The following FAM228B variants were observed in gnomAD, a reference collection of about 807,000 sequenced individuals.
FAM228B encodes the protein protein FAM228B.
Under a neutral mutation model 42.6 loss-of-function variants are expected in FAM228B, and 38 were observed. That is an observed-to-expected ratio of 0.89 (90% CI 0.69 to 1.17). The LOEUF is 1.17. Among genes scored for constraint, FAM228B ranks in the 50% most tolerant of loss-of-function variants. FAM228B has a pLI of 0.00. For missense variants in FAM228B, 344 were observed against 367.3 expected (o/e 0.94, Z 0.52); for synonymous variants, 109 against 122.3 (o/e 0.89, Z 0.72).
chr2:24,114,347 G>A (rs1665850626), intron 3 of FAM228B, among the ~76,000 whole-genome samples: 1 of 152,164 alleles, frequency 6.6e-6, no homozygotes, highest in South Asian at 2.1e-4. Flanking sequence ...TGGCCATGCA[G>A]TTGGTGTGTC....
intron 8 of FAM228B, among the ~76,000 whole-genome samples, chr2:24,162,115 A>T (rs569976639): frequency 6.6e-6 from 1 of 152,198 alleles, no homozygotes; most frequent in African/African-American, 2.4e-5. Context: ...AAACAAACAA[A>T]AAAACCAAAC....
intron 2 of FAM228B, among the ~76,000 whole-genome samples, chr2:24,130,603 G>A (rs1666432131): frequency 6.6e-6 from 1 of 152,096 alleles, no homozygotes; most frequent in Non-Finnish European, 1.5e-5. Flanking sequence ...CCATGTAAAT[G>A]TCTTCTTTTG....
intron 2 of FAM228B, among the ~76,000 whole-genome samples, chr2:24,091,702 A>G (rs995446775): frequency 6.6e-6 from 1 of 151,212 alleles, no homozygotes; most frequent in East Asian, 2.0e-4. Flanking sequence ...TACAAAAATT[A>G]TATAATGAAG....
In FAM228B at chr2:24,137,909, G is replaced by C; in HGVS notation, c.169G>C (p.Glu57Gln). 6.6e-7 allele frequency: 1 copy of C among 1,515,006 alleles called. No individual in the cohort carries two copies. The highest frequency in any genetic ancestry group is 8.8e-7 in the Non-Finnish European group (1 of 1,135,452). The allele number at this position is 1,515,006 out of a possible 1,614,324, so 93.8% of individuals were successfully genotyped here. The change falls in exon 4 of 11, where the codon GAA (glutamate) becomes CAA (glutamine). Residue 57 changes from glutamate (E) to glutamine (Q), a missense_variant and splice_region_variant. Coordinates refer to ENST00000615575, the MANE Select transcript of FAM228B (RefSeq NM_001145710.2). ...ILYKENSVIKELDKYLQHHAF... is the reference protein window; with the variant it reads ...ILYKENSVIKQLDKYLQHHAF... Reference sequence around the variant, plus strand: ...TGTCTTTTCTACCACTGTTTACTAGGAACTAGATAAGTATTTACAACATCA... The same window carrying C: ...TGTCTTTTCTACCACTGTTTACTAGCAACTAGATAAGTATTTACAACATCA...
intron 7 of FAM228B, among the ~76,000 whole-genome samples, chr2:24,155,577 G>A (rs1318651736): frequency 8.8e-6 from 1 of 114,016 alleles, no homozygotes; most frequent in Non-Finnish European, 1.7e-5. Context: ...TTTCGCGCCT[G>A]TTGCTCAGGT....
At chr2:24,079,316 A>C in intron 1 of FAM228B, 1 of 981,758 alleles carries the variant, frequency 1.0e-6, no homozygotes, top group Non-Finnish European at 1.5e-6. Flanking sequence ...CTTTATCTTC[A>C]GAGGGGGAGG....
chr2:24,148,710 C>T (rs1666952885), intron 7 of FAM228B, among the ~76,000 whole-genome samples: 1 of 152,098 alleles, frequency 6.6e-6, no homozygotes, highest in African/African-American at 2.4e-5. Context: ...ATGATTTATT[C>T]TTCATGTTAC....
chr2:24,166,923 A>C (rs1667430597), intron 9 of FAM228B, among the ~76,000 whole-genome samples: 2 of 152,074 alleles, frequency 1.3e-5, no homozygotes, highest in African/African-American at 4.8e-5. Flanking sequence ...AGCAAGAAAA[A>C]GTGGGGAGGC....
intron 7 of FAM228B, among the ~76,000 whole-genome samples, chr2:24,160,638 T>C (rs569344047): frequency 6.6e-6 from 1 of 152,244 alleles, no homozygotes; most frequent in Admixed American, 6.5e-5. Flanking sequence ...TAGGCTCTTA[T>C]TGCTTTCTTA....
chr2:24,089,241 TC>T (rs1169218879), intron 2 of FAM228B, among the ~76,000 whole-genome samples: 8 of 152,112 alleles, frequency 5.3e-5, no homozygotes, highest in African/African-American at 1.7e-4. Flanking sequence ...CCCAGCTTGT[TC>T]TTTATAAAAA....
intron 10 of FAM228B, chr2:24,168,099 CTTTGT>C: frequency 5.1e-6 from 1 of 195,462 alleles, no homozygotes; most frequent in African/African-American, 2.3e-5. Context: ...ATTTCAGTAT[CTTTGT>C]AGATGCTCAT....
At chr2:24,164,561 G>A (rs367667283) in intron 9 of FAM228B, among the ~76,000 whole-genome samples, 31 of 8,580 alleles carry the variant, frequency 3.6e-3, no homozygotes, top group African/African-American at 4.1e-3. Flanking sequence ...CCCCCTGGTG[G>A]AGCCACACGA....
chr2:24,094,835 G>A (rs1016994017), intron 2 of FAM228B, among the ~76,000 whole-genome samples: 1 of 152,178 alleles, frequency 6.6e-6, no homozygotes, highest in African/African-American at 2.4e-5. Flanking sequence ...ACTCACACCT[G>A]TAATCCTGGC....
chr2:24,123,730 C>T (rs1486319385), intron 1 of FAM228B, among the ~76,000 whole-genome samples, 197 bp downstream of exon 1: 4 of 151,552 alleles, frequency 2.6e-5, no homozygotes, highest in Non-Finnish European at 4.4e-5. Flanking sequence ...GCGCACGACG[C>T]GCCTGCGCGG....
chr2:24,088,643 GC>G (rs1665316072), intron 2 of FAM228B, among the ~76,000 whole-genome samples: 1 of 152,172 alleles, frequency 6.6e-6, no homozygotes, highest in Non-Finnish European at 1.5e-5. Context: ...GAGCCACCGC[GC>G]CCGGCCTATA....
At chr2:24,096,790 A>G (rs529803692) in intron 3 of FAM228B, 2 of 152,322 alleles carry the variant, frequency 1.3e-5, no homozygotes, top group East Asian at 1.9e-4. Flanking sequence ...AGAACACCAC[A>G]AAGATACTCC....
intron 2 of FAM228B, among the ~76,000 whole-genome samples, chr2:24,088,621 G>A (rs1051224266): frequency 7.9e-5 from 12 of 152,196 alleles, no homozygotes; most frequent in African/African-American, 2.4e-5. Context: ...AAAGTGTTGC[G>A]ATTACAGGCG....
Position 24,077,842 on chromosome 2 carries a change from T to C in FAM228B, c.-290+873T>C. 2 of 1,478,026 alleles carry C rather than the reference T, an allele frequency of 1.4e-6. No homozygotes were observed. The highest frequency in any genetic ancestry group is 4.3e-5 in the Admixed American group (2 of 47,038). The allele number at this position is 1,478,026 out of a possible 1,614,324, so 91.6% of individuals were successfully genotyped here. The stretch of plus-strand genomic sequence containing the variant: ...CTCATCCTCCTCAGCCTTCTTGCTC[T>C]CTCTGAAGCCACGTATCTGAAAAAG... On this transcript the variant is annotated intron_variant, in intron 1 of 10. Coordinates refer to the FAM228B transcript ENST00000613899. This position sits in a 1 kb window ranked among gnomAD's most constrained non-coding sequence, Gnocchi z 5.5.
chr2:24,121,405 T>G (rs1324833234), upstream of FAM228B: 1 of 1,106,358 alleles, frequency 9.0e-7, no homozygotes, highest in Non-Finnish European at 1.3e-6. Context: ...TAAGAATGGT[T>G]TTCATGTTTT....
Sources: allele counts gnomAD v4.1 joint callset (sites outside exome capture counted in the v4.1 genomes callset), GRCh38; gene constraint gnomAD v4.1.1; non-coding constraint Gnocchi (gnomAD v3.1); transcripts MANE v1.5; gene names NCBI Gene and HGNC (gene_info 2026-07-23, HGNC 2026-07-21).